Variants in SNX13 observed in about 807,000 individuals in gnomAD.
The protein encoded by SNX13 is sorting nexin 13.
SNX13 carries 45 observed loss-of-function variants against 133.6 expected under a neutral mutation model. The ratio of observed to expected loss-of-function variants is 0.34; its 90% CI spans 0.27 to 0.43. SNX13 has a LOEUF of 0.43. Ranked by LOEUF, SNX13 falls within the 20% of genes least tolerant of loss-of-function variation. The probability of loss-of-function intolerance (pLI) is 1.00; values close to 1 mark genes in which losing one functional copy is unlikely to be tolerated. For missense variants in SNX13, 1,032 were observed against 1,145.1 expected, an observed-to-expected ratio of 0.90 and a Z score of 1.43; for synonymous variants, 414 against 373.9, an observed-to-expected ratio of 1.11 and a Z score of -1.24.
At chr7:17,823,756 G>A (rs1188192063) in intron 17 of SNX13, among the ~76,000 whole-genome samples, 2 of 152,108 alleles carry the variant, frequency 1.3e-5, no homozygotes, top group African/African-American at 4.8e-5. Context: ...ATTTCTCAAT[G>A]GAGTTAGCAT....
rs888812435 is a variant in SNX13 at position 17,830,898 on chromosome 7, C to G, written c.1598-851G>C. On this transcript the variant is annotated intron_variant, in intron 15 of 25. Coordinates refer to ENST00000428135, the MANE Select transcript of SNX13 (RefSeq NM_015132.5). ...CAAAAAAGCAACACTACTATTCCTA[C>G]AAGGAGGCAGCTGATATTGCCTTCC... is the stretch of plus-strand genomic sequence containing the variant. 3.5e-5 allele frequency: 34 copies of G among 984,258 alleles called. No individual in the cohort carries two copies. In the African/African-American group the frequency reaches 5.6e-4, roughly 16 times the overall value. 61.0% of individuals were successfully genotyped at this position (984,258 alleles called of 1,614,324 possible).
At chr7:17,869,437 G>A (rs1289999230) in intron 8 of SNX13, among the ~76,000 whole-genome samples, 1 of 151,908 alleles carries the variant, frequency 6.6e-6, no homozygotes, top group Non-Finnish European at 1.5e-5. Flanking sequence ...GATTTCACCT[G>A]GTATTACCCT....
At chr7:17,877,044 T>G (rs4721666) in intron 5 of SNX13, among the ~76,000 whole-genome samples, 30,693 of 72,728 alleles carry the variant, frequency 0.42, 4,999 homozygotes, top group African/African-American at 0.52. Context: ...TGTTACTTTT[T>G]GAAAAAAAAA....
chr7:17,874,270 G>A (rs1050159902), intron 7 of SNX13, among the ~76,000 whole-genome samples: 7 of 152,054 alleles, frequency 4.6e-5, no homozygotes, highest in South Asian at 2.1e-4. Flanking sequence ...GAGATGAACC[G>A]CATAGCCTAG....
At chr7:17,913,595 T>C (rs2691571) in intron 1 of SNX13, among the ~76,000 whole-genome samples, 66,946 of 151,664 alleles carry the variant, frequency 0.44, 15,181 homozygotes, top group South Asian at 0.66. Context: ...AACCACCATA[T>C]GAATTTATCT....
chr7:17,819,424 G>T (rs1375488056), intron 18 of SNX13, among the ~76,000 whole-genome samples: 1 of 151,918 alleles, frequency 6.6e-6, no homozygotes, highest in Admixed American at 6.6e-5. Context: ...ATGAGGATTC[G>T]CCATGTTGCC....
intron 1 of SNX13, among the ~76,000 whole-genome samples, chr7:17,904,827 T>C (rs1217751572): frequency 6.6e-6 from 1 of 152,224 alleles, no homozygotes; most frequent in African/African-American, 2.4e-5. Flanking sequence ...CGTTATTCTA[T>C]GTACAATAAG....
At chr7:17,925,071 T>C (rs2128040685) in intron 1 of SNX13, among the ~76,000 whole-genome samples, 1 of 152,244 alleles carries the variant, frequency 6.6e-6, no homozygotes, top group Non-Finnish European at 1.5e-5. Context: ...TAGCTGGGCA[T>C]GGTGGCACGT....
chr7:17,872,367 G>C (rs373893252), intron 8 of SNX13, among the ~76,000 whole-genome samples: 2 of 152,188 alleles, frequency 1.3e-5, no homozygotes, highest in South Asian at 2.1e-4. Context: ...GAGATTCCAC[G>C]TAACAGTAGC....
intron 25 of SNX13, chr7:17,795,931 A>G (rs532258471): frequency 6.6e-6 from 1 of 151,792 alleles, no homozygotes; most frequent in Non-Finnish European, 1.5e-5. Context: ...TTTAATTGAC[A>G]GAAGAGAAGG....
At chr7:17,836,235 G>A (rs1562731938) in intron 13 of SNX13, among the ~76,000 whole-genome samples, 1 of 151,900 alleles carries the variant, frequency 6.6e-6, no homozygotes, top group African/African-American at 2.4e-5. Context: ...ATACTTATAT[G>A]GCCAGGCATG....
chr7:17,938,900 T>G (rs1802429150), intron 1 of SNX13, among the ~76,000 whole-genome samples: 1 of 152,198 alleles, frequency 6.6e-6, no homozygotes, highest in South Asian at 2.1e-4. Context: ...CTTATAACTC[T>G]TTTTTCTAAT....
intron 1 of SNX13, among the ~76,000 whole-genome samples, chr7:17,906,198 C>T (rs1405719246): frequency 6.6e-6 from 1 of 152,048 alleles, no homozygotes; most frequent in East Asian, 1.9e-4. Context: ...TAAACTGATA[C>T]ATGGTTAGAC....
At chr7:17,826,682 G>T (rs1018131234) in intron 16 of SNX13, among the ~76,000 whole-genome samples, 1 of 152,068 alleles carries the variant, frequency 6.6e-6, no homozygotes, top group Non-Finnish European at 1.5e-5. Flanking sequence ...GACTATGATA[G>T]ATTTTAAATG....
intron 20 of SNX13, among the ~76,000 whole-genome samples, chr7:17,807,843 C>CAGCAAACTCT (rs1408479080): frequency 7.0e-4 from 107 of 152,150 alleles, no homozygotes; most frequent in African/African-American, 2.4e-3. Context: ...AGTGGGCCTC[C>CAGCAAACTCT]AGCAAACCTG....
chr7:17,859,307 A>G (rs1033394989), intron 9 of SNX13, among the ~76,000 whole-genome samples: 3 of 152,068 alleles, frequency 2.0e-5, no homozygotes, highest in South Asian at 2.1e-4. Context: ...CAGGCCAATA[A>G]TCACAGGAAA....
intron 12 of SNX13, among the ~76,000 whole-genome samples, chr7:17,843,368 T>A (rs1044344497): frequency 6.6e-6 from 1 of 151,970 alleles, no homozygotes. Flanking sequence ...AGATTCAGCA[T>A]AACAAAATAA....
In SNX13 at chr7:17,886,167, G is replaced by A. The variant is rs1186362531; in HGVS notation, c.440+4196C>T. 2.6e-5 allele frequency among the ~76,000 whole-genome samples: 4 copies of A among 152,178 alleles called. No individual in the cohort carries two copies. In the South Asian group the frequency reaches 6.2e-4, roughly 24 times the overall value. The stretch of plus-strand genomic sequence containing the variant: ...GAACACATTCCCTATCATTCCCTGT[G>A]ATACTATATCATTAGTATCACAGCC... On this transcript the variant is annotated intron_variant, in intron 5 of 25. Transcript: ENST00000428135.
At chr7:17,806,708 G>A (rs908298539) in intron 20 of SNX13, among the ~76,000 whole-genome samples, 6 of 152,240 alleles carry the variant, frequency 3.9e-5, no homozygotes, top group Non-Finnish European at 7.4e-5. Flanking sequence ...AGCTCCCAGC[G>A]AGATCAACGC....
Sources: allele counts gnomAD v4.1 joint callset (sites outside exome capture counted in the v4.1 genomes callset), GRCh38; gene constraint gnomAD v4.1.1; transcripts MANE v1.5; gene names NCBI Gene and HGNC (gene_info 2026-07-23, HGNC 2026-07-21).